The following HYDIN variants were observed in gnomAD, a reference collection of about 807,000 sequenced individuals.
HYDIN encodes the protein axonemal central pair apparatus protein HYDIN.
A neutral mutation model predicts 403.9 loss-of-function variants in HYDIN; 132 were observed. The ratio of observed to expected loss-of-function variants is 0.33; its 90% CI spans 0.28 to 0.38. The LOEUF (loss-of-function observed/expected upper bound fraction) is 0.38. HYDIN is among the 10% of genes least tolerant of loss of function. The probability of loss-of-function intolerance (pLI) is 1.00; values close to 1 mark genes in which losing one functional copy is unlikely to be tolerated. For missense variants in HYDIN, 2,827 were observed against 5,009.5 expected (o/e 0.56, Z 13.15); for synonymous variants, 1,202 against 1,891.7 (o/e 0.64, Z 9.46).
chr16:71,185,074 T>C, intron 2 of HYDIN, 84 bp from the exon 3 acceptor site: 1 of 932,900 alleles, frequency 1.1e-6, no homozygotes, highest in Non-Finnish European at 1.5e-6. Context: ...AATGAATAAT[T>C]TGTGTTTGCA....
Position 70,889,834 on chromosome 16 carries a change from A to G in HYDIN, c.9657-130T>C. The G allele has an allele frequency of 4.3e-6, 3 of 696,088 alleles. No homozygotes were observed. In the South Asian group the frequency reaches 5.1e-5, roughly 12 times the overall value. 43.1% of individuals were successfully genotyped at this position (696,088 alleles called of 1,614,324 possible). A position where few individuals can be genotyped will look rare whatever the true frequency, so the allele number is the denominator to read the frequency against. On this transcript the variant is annotated intron_variant, in intron 57 of 85. Transcript: ENST00000393567. ...AAGGGGCCCTTCTTTGCCCAAGAGG[A>G]CACTGGAGTGGCATAGTTAGCTAGT...
chr16:70,966,234 C>T (rs1368620123), intron 36 of HYDIN, among the ~76,000 whole-genome samples: 35 of 152,208 alleles, frequency 2.3e-4, no homozygotes, highest in Admixed American at 1.3e-4. Flanking sequence ...AAACCTCCCA[C>T]ATGCAAATCT....
chr16:70,896,658 T>TTTTTTG, intron 53 of HYDIN, among the ~76,000 whole-genome samples: 1 of 141,408 alleles, frequency 7.1e-6, no homozygotes. Context: ...GCCCAACTGT[T>TTTTTTG]TTTTTTTTTT....
intron 50 of HYDIN, among the ~76,000 whole-genome samples, chr16:70,905,951 C>T (rs943889737): frequency 1.3e-5 from 2 of 151,822 alleles, no homozygotes; most frequent in African/African-American, 4.8e-5. Flanking sequence ...AATTTTTAAT[C>T]CAGCATCTCA....
intron 23 of HYDIN, among the ~76,000 whole-genome samples, chr16:71,013,177 C>T (rs996457883): frequency 3.4e-5 from 5 of 148,866 alleles, no homozygotes; most frequent in African/African-American, 1.2e-4. Context: ...ATGGGAGTAC[C>T]AATGTCCATG....
chr16:70,982,683 C>T (rs1292418431), intron 28 of HYDIN, among the ~76,000 whole-genome samples: 4 of 148,922 alleles, frequency 2.7e-5, no homozygotes, highest in Non-Finnish European at 5.9e-5. Flanking sequence ...AATATTAGTA[C>T]ATCTAGAGCT....
chr16:71,039,439 T>C (rs1021485827), intron 18 of HYDIN, among the ~76,000 whole-genome samples: 6 of 152,142 alleles, frequency 3.9e-5, no homozygotes, highest in African/African-American at 1.2e-4. Flanking sequence ...AACCCTACCT[T>C]TAAGCTGAAA....
At chr16:71,089,703 G>C (rs1242857076) in intron 11 of HYDIN, among the ~76,000 whole-genome samples, 1 of 152,124 alleles carries the variant, frequency 6.6e-6, no homozygotes, top group Non-Finnish European at 1.5e-5. Flanking sequence ...AGAATCCAGA[G>C]GACAAATATT....
chr16:71,034,748 T>C (rs1239163279), intron 18 of HYDIN, among the ~76,000 whole-genome samples: 1 of 150,758 alleles, frequency 6.6e-6, no homozygotes, highest in Admixed American at 6.6e-5. Context: ...TTTTAAATTG[T>C]ATATAAATGA....
intron 1 of HYDIN, among the ~76,000 whole-genome samples, chr16:71,195,004 A>G (rs1365019050): frequency 6.6e-6 from 1 of 152,222 alleles, no homozygotes; most frequent in African/African-American, 2.4e-5. Flanking sequence ...GAAGTCACAC[A>G]CTGTCACTTG....
intron 1 of HYDIN, among the ~76,000 whole-genome samples, chr16:71,204,942 A>C (rs2088214770): frequency 6.6e-6 from 1 of 152,234 alleles, no homozygotes; most frequent in Non-Finnish European, 1.5e-5. Context: ...GTGAAAAAAA[A>C]ATTAATCTCC....
intron 10 of HYDIN, among the ~76,000 whole-genome samples, chr16:71,100,063 G>A (rs370091819): frequency 6.6e-6 from 1 of 151,978 alleles, no homozygotes; most frequent in East Asian, 1.9e-4. Context: ...AAACATTTAC[G>A]AAGGTCAACT....
intron 58 of HYDIN, among the ~76,000 whole-genome samples, chr16:70,888,157 C>T (rs2143707835): frequency 6.6e-6 from 1 of 152,394 alleles, no homozygotes; most frequent in Admixed American, 6.5e-5. Context: ...TATAATTGCT[C>T]ATTGAAACAT....
chr16:71,097,548 C>A (rs899355796), intron 10 of HYDIN, among the ~76,000 whole-genome samples: 1 of 148,116 alleles, frequency 6.8e-6, no homozygotes, highest in Non-Finnish European at 1.5e-5. Flanking sequence ...TGAAACATTT[C>A]CAGAACAAAG....
intron 9 of HYDIN, among the ~76,000 whole-genome samples, chr16:71,127,009 T>C (rs940718038): frequency 5.3e-5 from 8 of 152,108 alleles, no homozygotes; most frequent in African/African-American, 1.9e-4. Flanking sequence ...TAAGGTAAGA[T>C]TATAGTACTT....
At chr16:70,999,303 T>G (rs1310455982) in intron 23 of HYDIN, among the ~76,000 whole-genome samples, 1 of 151,654 alleles carries the variant, frequency 6.6e-6, no homozygotes, top group Non-Finnish European at 1.5e-5. Flanking sequence ...CATTCATGGC[T>G]GAGAACCACT....
chr16:70,991,498 A>G, intron 24 of HYDIN, 102 bp from the exon 25 acceptor site: 6 of 1,533,600 alleles, frequency 3.9e-6, no homozygotes, highest in Non-Finnish European at 4.4e-6. Flanking sequence ...CCTCTACCAC[A>G]CCCCCAAACG....
intron 58 of HYDIN, among the ~76,000 whole-genome samples, chr16:70,887,930 G>T (rs548305731): frequency 6.6e-5 from 10 of 152,232 alleles, no homozygotes; most frequent in Admixed American, 2.6e-4. Flanking sequence ...TGATCCGCTT[G>T]CCTCGGCCTC....
intron 21 of HYDIN, among the ~76,000 whole-genome samples, chr16:71,022,816 G>C (rs146082487): frequency 0.037 from 5,458 of 148,026 alleles, 168 homozygotes; most frequent in Middle Eastern, 0.086. Context: ...TGAATAAGAA[G>C]TTACCGCCAT....
Sources: gnomAD v4.1 joint callset for allele counts (sites outside exome capture counted in the v4.1 genomes callset) on GRCh38, gnomAD v4.1.1 for gene constraint, MANE v1.5 for transcripts, NCBI Gene and HGNC (gene_info 2026-07-23, HGNC 2026-07-21) for gene names.